The following RB1 variants were observed in gnomAD, a reference collection of about 807,000 sequenced individuals.
The protein encoded by RB1 is retinoblastoma-associated protein.
Under a neutral mutation model 135.4 loss-of-function variants are expected in RB1, and 18 were observed. The observed-to-expected ratio is 0.13, with a 90% CI of 0.09 to 0.20. RB1 has a LOEUF of 0.20. Ranked by LOEUF, RB1 falls within the 10% of genes least tolerant of loss-of-function variation. The probability of loss-of-function intolerance (pLI) is 1.00; values close to 1 mark genes in which losing one functional copy is unlikely to be tolerated. For missense variants in RB1, 868 were observed against 1,110.0 expected (o/e 0.78, Z 3.10); for synonymous variants, 365 against 373.2 (o/e 0.98, Z 0.25).
At chr13:48,360,383 G>C (rs1349965906) in intron 7 of RB1, 1 of 535,870 alleles carries the variant, frequency 1.9e-6, no homozygotes, top group Non-Finnish European at 2.9e-6. Context: ...TTTTCCAGCT[G>C]TGGAAGACCA....
At chr13:48,352,441 T>G (rs1443786871) in intron 6 of RB1, among the ~76,000 whole-genome samples, 2 of 152,170 alleles carry the variant, frequency 1.3e-5, no homozygotes, top group African/African-American at 4.8e-5. Context: ...TGTAATTTTT[T>G]TGGGGCAGTA....
In RB1 at chr13:48,368,624, T is replaced by C. The variant is rs1375947663; in HGVS notation, c.1127+20T>C. The C allele has an allele frequency of 2.5e-6, 4 of 1,607,234 alleles. No homozygotes were observed. Among genetic ancestry groups the C allele is most frequent in the East Asian group, 2.3e-5 (1 of 44,250 alleles). On this transcript the variant is annotated intron_variant, in intron 11 of 26. Transcript: ENST00000267163. Reference sequence around the variant, plus strand: ...AGTTAGGTATGAATTTTCCTACTTTTAATTATATTATAATTTTGTTATTCA... The same window carrying C: ...AGTTAGGTATGAATTTTCCTACTTTCAATTATATTATAATTTTGTTATTCA...
intron 17 of RB1, among the ~76,000 whole-genome samples, chr13:48,391,945 G>A (rs927847062): frequency 5.3e-5 from 8 of 152,084 alleles, no homozygotes; most frequent in African/African-American, 1.9e-4. Flanking sequence ...TTGTGTGCAT[G>A]TCTACTAGTG....
chr13:48,445,280 T>C lies in RB1; in HGVS notation c.1696-7713T>C, dbSNP rs145682620. 2.6e-3 allele frequency: 396 copies of C among 152,340 alleles called. 1 individual carries two copies. The highest frequency in any genetic ancestry group is 9.1e-3 in the African/African-American group (377 of 41,574). 9.4% of individuals were successfully genotyped at this position (152,340 alleles called of 1,614,324 possible). ...TCTGTACTAAGTGCTAGTGATGTGA[T>C]AGGAAGCCAGACACAATTGAACTAG... On this transcript the variant is annotated intron_variant, in intron 17 of 26. Coordinates refer to ENST00000267163, the MANE Select transcript of RB1 (RefSeq NM_000321.3).
At chr13:48,370,111 T>C (rs564554535) in intron 11 of RB1, among the ~76,000 whole-genome samples, 3 of 152,240 alleles carry the variant, frequency 2.0e-5, no homozygotes, top group African/African-American at 7.2e-5. Context: ...TATAAAGCAA[T>C]GTCTGAACTG....
intron 2 of RB1, chr13:48,317,840 G>A (rs1593420679): frequency 2.7e-6 from 1 of 371,362 alleles, no homozygotes; most frequent in African/African-American, 2.1e-5. Flanking sequence ...ACGCCAGGCG[G>A]TGGGGCCCGC....
intron 17 of RB1, among the ~76,000 whole-genome samples, chr13:48,432,434 T>G (rs1217114810): frequency 6.6e-6 from 1 of 151,998 alleles, no homozygotes; most frequent in Non-Finnish European, 1.5e-5. Flanking sequence ...TTTGTTTTTT[T>G]TTTTGGGCTA....
rs546678414 is a variant in RB1, at chr13:48,409,140, T to C, written c.1695+27697T>C. ...ATCTTCACTAGTTTTTTGGGTTTTTTTTCTTTTCTCTTTTTTTTTTTTTTT... is the reference window on the plus strand; with the variant it reads ...ATCTTCACTAGTTTTTTGGGTTTTTCTTCTTTTCTCTTTTTTTTTTTTTTT... On this transcript the variant is annotated intron_variant, in intron 17 of 26. Transcript: ENST00000267163. 3.4e-4 allele frequency among the ~76,000 whole-genome samples: 52 copies of C among 151,620 alleles called. 2 individuals carry two copies. In the South Asian group the frequency reaches 0.01, roughly 30 times the overall value.
chr13:48,402,243 T>C (rs1436305813), intron 17 of RB1, among the ~76,000 whole-genome samples: 1 of 152,186 alleles, frequency 6.6e-6, no homozygotes, highest in East Asian at 1.9e-4. Flanking sequence ...ACTTTTAGAT[T>C]GGCATCTGAT....
At chr13:48,455,213 G>C (rs983486912) in intron 18 of RB1, among the ~76,000 whole-genome samples, 7 of 152,162 alleles carry the variant, frequency 4.6e-5, no homozygotes, top group African/African-American at 1.7e-4. Context: ...CTAGGTTTTT[G>C]ACTTAAGACA....
intron 8 of RB1, among the ~76,000 whole-genome samples, chr13:48,364,345 C>G (rs1191878309): frequency 6.6e-6 from 1 of 152,082 alleles, no homozygotes; most frequent in Non-Finnish European, 1.5e-5. Flanking sequence ...ACATACAAAA[C>G]TGTAGCTGCA....
chr13:48,329,895 A>G lies in RB1; in HGVS notation c.265-12704A>G, dbSNP rs7327816. ...AGAATGCCTTTATATTTGAGCATAC[A>G]TGGAACATTCTCCAGGATCAATCAT... On this transcript the variant is annotated intron_variant, in intron 2 of 26. Coordinates refer to ENST00000267163, the MANE Select transcript of RB1 (RefSeq NM_000321.3). 4.1e-3 allele frequency among the ~76,000 whole-genome samples: 617 copies of G among 152,284 alleles called. 4 individuals carry two copies. Among genetic ancestry groups the G allele is most frequent in the African/African-American group, 0.014 (598 of 41,562 alleles).
At chr13:48,318,206 G>A in intron 2 of RB1, 2 of 597,004 alleles carry the variant, frequency 3.4e-6, no homozygotes. Flanking sequence ...CTGGACCCTC[G>A]CCGCTGTCTC....
chr13:48,361,885 G>T (rs1427032797), intron 7 of RB1, among the ~76,000 whole-genome samples: 1 of 147,962 alleles, frequency 6.8e-6, no homozygotes, highest in Non-Finnish European at 1.5e-5. Flanking sequence ...TCAATTTCTT[G>T]TAAGTTGTTG....
chr13:48,379,764 A>G (rs892333239), intron 14 of RB1, 114 bp downstream of exon 14: 8 of 1,334,256 alleles, frequency 6.0e-6, no homozygotes, highest in Non-Finnish European at 7.2e-6. Context: ...CATCAAGATC[A>G]TCCTGGCCAA....
At chr13:48,382,361 T>A (rs964023682) in intron 17 of RB1, among the ~76,000 whole-genome samples, 5 of 152,204 alleles carry the variant, frequency 3.3e-5, no homozygotes, top group African/African-American at 1.2e-4. Flanking sequence ...CAGCATCTGT[T>A]GTTTCCTGAC....
At chr13:48,357,094 T>G (rs571907915) in intron 6 of RB1, among the ~76,000 whole-genome samples, 111 of 151,986 alleles carry the variant, frequency 7.3e-4, no homozygotes, top group African/African-American at 2.6e-3. Flanking sequence ...TTAGCTTTTT[T>G]TTTTTGAACA....
intron 17 of RB1, among the ~76,000 whole-genome samples, chr13:48,449,648 G>C (rs940348331): frequency 1.3e-5 from 2 of 152,046 alleles, no homozygotes; most frequent in East Asian, 3.9e-4. Context: ...TATAGTCCCA[G>C]CTACTCAGGA....
intron 7 of RB1, among the ~76,000 whole-genome samples, chr13:48,362,542 T>G (rs1952653063): frequency 6.6e-6 from 1 of 152,212 alleles, no homozygotes; most frequent in African/African-American, 2.4e-5. Flanking sequence ...GTTTGAAAGT[T>G]GGCTATTTCC....
Sources: allele counts gnomAD v4.1 joint callset (sites outside exome capture counted in the v4.1 genomes callset), GRCh38; gene constraint gnomAD v4.1.1; transcripts MANE v1.5; gene names NCBI Gene and HGNC (gene_info 2026-07-23, HGNC 2026-07-21).